The following ZNF728 variants were observed in gnomAD, a reference collection of about 807,000 sequenced individuals.
The protein encoded by ZNF728 is zinc finger protein 728.
In ZNF728, 12 loss-of-function variants were observed where a neutral mutation model predicts 12.5. The ratio of observed to expected loss-of-function variants is 0.96; its 90% CI spans 0.61 to 1.55. ZNF728 has a LOEUF of 1.55. ZNF728 is among the 40% of genes most tolerant of loss of function. The pLI, the probability that ZNF728 is intolerant of heterozygous loss-of-function variation, is 0.00. For synonymous variants in ZNF728, 205 were observed against 240.7 expected, an observed-to-expected ratio of 0.85 and a Z score of 1.37; for missense variants, 692 against 719.2, an observed-to-expected ratio of 0.96 and a Z score of 0.43.
In ZNF728 at chr19:22,975,778, A is replaced by G. The variant is rs1796495208; in HGVS notation, c.1559T>C (p.Val520Ala). ...CEECGKAFSK[V>A]ANLTKHKVIH... ...TACCTTATGTTTAGTAAGGTTTGCA[A>G]CCTTACTGAAGGCTTTGCCACATTC... The change falls in exon 4 of 4, where the codon GTT becomes GCT. Residue 520 changes from valine to alanine, a missense_variant. By Grantham distance (64) the Val-to-Ala change is moderately conservative. This residue lies in a region of ZNF728 where 244 missense variants were observed against 235.2 expected (regional missense o/e 1.04). Transcript: ENST00000594710. 1 of 1,609,450 alleles carries G rather than the reference A, an allele frequency of 6.2e-7. No homozygotes were observed.
chr19:23,000,865 CAAAAAAAAAAAAAAAAAAAA>C (rs1969102664), intron 1 of ZNF728, among the ~76,000 whole-genome samples: 37 of 32,594 alleles, frequency 1.1e-3, no homozygotes, highest in African/African-American at 2.9e-3. Flanking sequence ...AAAACACTGT[CAAAAAAAAAAAAAAAAAAAA>C]CCAAAAAAAA....
At chr19:22,985,068 ATCAT>A (rs1368288198) in intron 3 of ZNF728, among the ~76,000 whole-genome samples, 3 of 152,194 alleles carry the variant, frequency 2.0e-5, no homozygotes, top group Non-Finnish European at 4.4e-5. Flanking sequence ...CTGTCACCAA[ATCAT>A]TCAGTAAATA....
At chr19:22,978,221 CAT>C (rs979685012) in intron 3 of ZNF728, among the ~76,000 whole-genome samples, 6 of 149,352 alleles carry the variant, frequency 4.0e-5, no homozygotes, top group African/African-American at 1.5e-4. Flanking sequence ...GATTTGCAAA[CAT>C]AGTCTTATGA....
chr19:22,994,018 A>T (rs1168513693), intron 1 of ZNF728, among the ~76,000 whole-genome samples: 2 of 152,140 alleles, frequency 1.3e-5, no homozygotes, highest in Non-Finnish European at 1.5e-5. Flanking sequence ...TAGCATGAGG[A>T]GGGAGGGAGA....
chr19:22,986,875 T>C (rs1233512061), intron 3 of ZNF728, among the ~76,000 whole-genome samples: 1 of 152,102 alleles, frequency 6.6e-6, no homozygotes, highest in East Asian at 1.9e-4. Flanking sequence ...GGATGAAATG[T>C]ACAGAAAAAT....
At chr19:22,987,735 G>A (rs1288258657) in intron 2 of ZNF728, among the ~76,000 whole-genome samples, 6 of 152,102 alleles carry the variant, frequency 3.9e-5, no homozygotes, top group African/African-American at 1.2e-4. Context: ...TTAAGGTCAA[G>A]ATGAAACATC....
At chr19:22,980,445 C>T (rs1223623792) in intron 3 of ZNF728, among the ~76,000 whole-genome samples, 2 of 152,126 alleles carry the variant, frequency 1.3e-5, no homozygotes, top group Non-Finnish European at 2.9e-5. Context: ...GACTTTAACA[C>T]CCCACTGTCA....
At chr19:22,987,430 C>T in intron 2 of ZNF728, 27 bp from the exon 3 acceptor site, 2 of 1,564,942 alleles carry the variant, frequency 1.3e-6, no homozygotes, top group Non-Finnish European at 1.7e-6. Flanking sequence ...GAGTAACATG[C>T]ATCTTGCTCA....
chr19:22,987,365 C>A lies in ZNF728; in HGVS notation c.169G>T (p.Glu57Ter). ...ATATTCCAGGGCTCTTTTCCTTGCTCCAGAAAAATGATCAGGTCTGGCTTA... is the reference window on the plus strand; with the variant it reads ...ATATTCCAGGGCTCTTTTCCTTGCTACAGAAAAATGATCAGGTCTGGCTTA... ...APKPDLIIFL[E>*]QGKEPWNMKR... Residue 57 changes from glutamate to a stop codon, truncating the protein, a stop_gained, in exon 3 of 4, where the codon GAG (glutamate) becomes TAG (stop). Transcript: ENST00000594710. LOFTEE classifies it high-confidence loss of function. 1 of 1,611,730 alleles carries A rather than the reference C, an allele frequency of 6.2e-7. No homozygotes were observed. The highest frequency in any genetic ancestry group is 2.2e-5 in the East Asian group (1 of 44,760).
intron 1 of ZNF728, among the ~76,000 whole-genome samples, chr19:22,991,436 G>A (rs1164334250): frequency 2.0e-5 from 3 of 152,122 alleles, no homozygotes; most frequent in Non-Finnish European, 4.4e-5. Context: ...ATAGACAGAT[G>A]AAAGGGATAC....
At chr19:22,986,352 CA>C (rs1421429360) in intron 3 of ZNF728, among the ~76,000 whole-genome samples, 7 of 151,374 alleles carry the variant, frequency 4.6e-5, no homozygotes, top group African/African-American at 1.7e-4. Context: ...GTAGATCATG[CA>C]GTGTTCTCTA....
intron 3 of ZNF728, among the ~76,000 whole-genome samples, chr19:22,986,575 T>C (rs1017419139): frequency 6.6e-5 from 10 of 152,140 alleles, no homozygotes; most frequent in Non-Finnish European, 1.5e-5. Flanking sequence ...AAGTGAAAGA[T>C]TTATCAATGA....
intron 1 of ZNF728, among the ~76,000 whole-genome samples, chr19:23,000,865 CAAAAAA>C (rs879559395): frequency 6.1e-5 from 2 of 32,594 alleles, no homozygotes; most frequent in African/African-American, 8.0e-5. Context: ...AAAACACTGT[CAAAAAA>C]AAAAAAAAAA....
intron 1 of ZNF728, among the ~76,000 whole-genome samples, chr19:22,997,943 T>C (rs903030690): frequency 6.6e-6 from 1 of 151,898 alleles, no homozygotes; most frequent in Non-Finnish European, 1.5e-5. Context: ...TCACTGATCA[T>C]TAGAGAAATG....
At chr19:23,002,072 T>C (rs1183801929) in intron 1 of ZNF728, among the ~76,000 whole-genome samples, 2 of 152,188 alleles carry the variant, frequency 1.3e-5, no homozygotes, top group Non-Finnish European at 1.5e-5. Context: ...TCCCAGCACT[T>C]TGGGAGGCCG....
At chr19:22,980,385 T>C (rs1968849813) in intron 3 of ZNF728, among the ~76,000 whole-genome samples, 1 of 152,032 alleles carries the variant, frequency 6.6e-6, no homozygotes, top group South Asian at 2.1e-4. Flanking sequence ...ATAAAGCAAG[T>C]TCTTAGGGAT....
At chr19:22,982,198 CA>C (rs1183644681) in intron 3 of ZNF728, among the ~76,000 whole-genome samples, 1 of 152,120 alleles carries the variant, frequency 6.6e-6, no homozygotes, top group African/African-American at 2.4e-5. Flanking sequence ...AATCAATGTG[CA>C]AAAATCACAA....
chr19:22,993,331 A>C (rs1599532443), intron 1 of ZNF728, among the ~76,000 whole-genome samples: 1 of 152,264 alleles, frequency 6.6e-6, no homozygotes, highest in East Asian at 1.9e-4. Flanking sequence ...GGCAGAGGCC[A>C]GCCAGATCTT....
intron 3 of ZNF728, among the ~76,000 whole-genome samples, chr19:22,978,536 G>A (rs534773275): frequency 2.0e-5 from 3 of 152,300 alleles, no homozygotes; most frequent in Non-Finnish European, 2.9e-5. Flanking sequence ...CCTCAAGTGG[G>A]TCCCTGACAC....
Sources: allele counts gnomAD v4.1 joint callset (sites outside exome capture counted in the v4.1 genomes callset), GRCh38; gene constraint gnomAD v4.1.1; regional missense constraint gnomAD v4.1.1; transcripts MANE v1.5; gene names NCBI Gene and HGNC (gene_info 2026-07-23, HGNC 2026-07-21).